Variants in SEC24A observed in about 807,000 individuals in gnomAD.
SEC24A encodes the protein protein transport protein Sec24A.
SEC24A carries 93 observed loss-of-function variants against 129.4 expected under a neutral mutation model. The ratio of observed to expected loss-of-function variants is 0.72; its 90% confidence interval spans 0.61 to 0.85. The LOEUF is 0.85. Ranked by LOEUF, SEC24A falls within the 40% of genes least tolerant of loss-of-function variation. SEC24A has a pLI of 0.00. For synonymous variants in SEC24A, 460 were observed against 467.3 expected (o/e 0.98, Z 0.20); for missense variants, 1,264 against 1,307.4 (o/e 0.97, Z 0.51).
chr5:134,676,002 A>ATACTTT, intron 6 of SEC24A, 21 bp from the exon 7 acceptor site: 1 of 1,541,118 alleles, frequency 6.5e-7, no homozygotes. Flanking sequence ...CAACTGATAC[A>ATACTTT]TACTTTTTAC....
Position 134,693,744 on chromosome 5 carries a change from G to A in SEC24A, c.1797G>A (p.Leu599=). The part of the protein sequence containing the change: ...NESKELVQDL[L]KTLPQMFTKT... ...TTTACAAGCTCGTGCAAGATTTACT[G>A]AAAACTTTGCCACAAATGTTTACCA... The change falls in exon 13 of 23, where the codon CTG becomes CTA. Residue 599 remains leucine (L), a synonymous_variant. Transcript: ENST00000398844. 9.3e-6 allele frequency: 15 copies of A among 1,613,742 alleles called. No individual in the cohort carries two copies. Among genetic ancestry groups the A allele is most frequent in the Non-Finnish European group, 1.3e-5 (15 of 1,179,882 alleles).
chr5:134,671,885 G>A lies in SEC24A; in HGVS notation c.816G>A (p.Leu272=), dbSNP rs374854591. 1 of 1,597,772 alleles carries A rather than the reference G, an allele frequency of 6.3e-7. No individual in the cohort carries two copies. The highest frequency in any genetic ancestry group is 8.5e-7 in the Non-Finnish European group (1 of 1,170,588). The change falls in exon 4 of 23, where the codon TTG becomes TTA. Residue 272 remains leucine, a splice_region_variant and synonymous_variant. Coordinates refer to ENST00000398844, the MANE Select transcript of SEC24A (RefSeq NM_021982.3). ...ACGAGATTGAAGGAGGTGGCTTATT[G>A]GGTGAGATGCTATGAAAGTTTTTTT... ...SYDEIEGGGL[L]ATPQLTNKNP...
In SEC24A at chr5:134,679,744, T is replaced by C. The variant is rs202238564; in HGVS notation, c.1381+16T>C. 5.1e-5 allele frequency: 79 copies of C among 1,556,808 alleles called. No homozygotes were observed. Among genetic ancestry groups the C allele is most frequent in the African/African-American group, 6.8e-5 (5 of 73,640 alleles). The stretch of plus-strand genomic sequence containing the variant: ...GTCAATGATGGTATGGGATGCTTTT[T>C]TGAAACATTTAAACGTTTCTACTTG... On this transcript the variant is annotated intron_variant, in intron 8 of 22. Transcript: ENST00000398844.
At chr5:134,654,668 T>C (rs1300869581) in intron 1 of SEC24A, among the ~76,000 whole-genome samples, 51 of 152,188 alleles carry the variant, frequency 3.4e-4, no homozygotes, top group Non-Finnish European at 2.9e-5. Context: ...TTAGTGCCTT[T>C]ATTGACTGAA....
At chr5:134,675,366 A>C in intron 6 of SEC24A, 149 bp downstream of exon 6, 1 of 620,736 alleles carries the variant, frequency 1.6e-6, no homozygotes, top group South Asian at 3.2e-5. Flanking sequence ...TTGTTTACTT[A>C]ATAGAGATTT....
intron 10 of SEC24A, among the ~76,000 whole-genome samples, chr5:134,687,812 G>C (rs73295494): frequency 7.1e-4 from 108 of 152,226 alleles, no homozygotes; most frequent in African/African-American, 2.4e-3. Flanking sequence ...AAATATTAGA[G>C]TTTCTGTATC....
At chr5:134,675,989 C>T (rs1272006653) in intron 6 of SEC24A, 34 bp from the exon 7 acceptor site, 1 of 1,409,320 alleles carries the variant, frequency 7.1e-7, no homozygotes, top group Non-Finnish European at 9.8e-7. Context: ...ATAATCATAG[C>T]AGCAACTGAT....
chr5:134,654,759 C>T (rs1750183027), intron 1 of SEC24A, among the ~76,000 whole-genome samples: 1 of 152,150 alleles, frequency 6.6e-6, no homozygotes, highest in Non-Finnish European at 1.5e-5. Context: ...CTTTGTCCCC[C>T]AGGCTAGAGT....
chr5:134,664,792 CTTTTTTTTTTTTTTT>C (rs70976552), intron 2 of SEC24A, among the ~76,000 whole-genome samples: 6 of 86,192 alleles, frequency 7.0e-5, no homozygotes, highest in Non-Finnish European at 1.1e-4. Flanking sequence ...TTTTCTTTTT[CTTTTTTTTTTTTTTT>C]TTTTTTTTTG....
chr5:134,693,906 G>A lies in SEC24A; in HGVS notation c.1959G>A (p.Glu653=). ...GAGTGGGAGCCCTGAAACCACGAGA[G>A]GAACCAAACCACAGGTCATCTGCTA... ...TLGVGALKPR[E]EPNHRSSAKD... is the part of the protein sequence containing the mutation. Residue 653 remains glutamate, a synonymous_variant, in exon 13 of 23, where the codon GAG becomes GAA. Coordinates refer to ENST00000398844, the MANE Select transcript of SEC24A (RefSeq NM_021982.3). 1.2e-6 allele frequency: 2 copies of A among 1,614,096 alleles called. No individual in the cohort carries two copies. The highest frequency in any genetic ancestry group is 1.7e-6 in the Non-Finnish European group (2 of 1,180,014).
In SEC24A at chr5:134,679,816, A is replaced by G. The variant is rs1751202866; in HGVS notation, c.1381+88A>G. 19 of 1,131,160 alleles carry G rather than the reference A, an allele frequency of 1.7e-5. 1 individual carries two copies. In the South Asian group the frequency reaches 5.2e-4, roughly 31 times the overall value. The allele number at this position is 1,131,160 out of a possible 1,614,324, so 70.1% of individuals were successfully genotyped here. ...TACAAATGCACAGTTAAAAAAAAAA[A>G]ACCCTTTTATTTACCTCTAGTCAAT... On this transcript the variant is annotated intron_variant, in intron 8 of 22. Transcript: ENST00000398844.
chr5:134,708,092 G>A (rs946726610), intron 17 of SEC24A, among the ~76,000 whole-genome samples: 2 of 152,100 alleles, frequency 1.3e-5, no homozygotes, highest in Admixed American at 6.6e-5. Context: ...CCACACCACC[G>A]CACTCCAGCC....
chr5:134,698,863 C>T (rs1233275659), intron 15 of SEC24A, among the ~76,000 whole-genome samples: 1 of 151,808 alleles, frequency 6.6e-6, no homozygotes, highest in African/African-American at 2.4e-5. Flanking sequence ...AAACTCCTGA[C>T]CTCAGATGAT....
chr5:134,718,043 C>T (rs769798006), intron 19 of SEC24A, 26 bp from the exon 20 acceptor site: 2 of 1,558,174 alleles, frequency 1.3e-6, no homozygotes, highest in African/African-American at 1.4e-5. Flanking sequence ...TATTTAAAAC[C>T]TTTACTCTTT....
chr5:134,720,614 A>G (rs1403649899), intron 20 of SEC24A, among the ~76,000 whole-genome samples: 2 of 152,188 alleles, frequency 1.3e-5, no homozygotes. Flanking sequence ...CTTTTAAAAT[A>G]TACTCAAGCT....
Position 134,698,272 on chromosome 5 carries a change from A to G in SEC24A, c.2266+215A>G, listed in dbSNP as rs566082135. On this transcript the variant is annotated intron_variant, in intron 15 of 22. Coordinates refer to ENST00000398844, the MANE Select transcript of SEC24A (RefSeq NM_021982.3). ...TGACTTATATATTTTTAAATAGAGAATTTTATGGTGTGTGAATTATCTCAG... is the reference window on the plus strand; with the variant it reads ...TGACTTATATATTTTTAAATAGAGAGTTTTATGGTGTGTGAATTATCTCAG... Among the ~76,000 whole-genome samples, 13 of 152,206 alleles carry G rather than the reference A, an allele frequency of 8.5e-5. No individual in the cohort carries two copies. In the South Asian group the frequency reaches 2.7e-3, roughly 32 times the overall value.
At chr5:134,714,970 G>A in intron 18 of SEC24A, 54 bp from the exon 19 acceptor site, 1 of 1,527,560 alleles carries the variant, frequency 6.5e-7, no homozygotes, top group Non-Finnish European at 8.9e-7. Context: ...TAAAAGTTCT[G>A]GATGTATTTT....
At chr5:134,649,290 G>A (rs1749968211) in intron 1 of SEC24A, 117 bp downstream of exon 1, 2 of 691,330 alleles carry the variant, frequency 2.9e-6, no homozygotes, top group African/African-American at 1.9e-5. Flanking sequence ...GTTCTGGCGC[G>A]GATGGTGGTG....
chr5:134,666,923 G>A lies in SEC24A; in HGVS notation c.666G>A (p.Arg222=). 1 of 1,613,820 alleles carries A rather than the reference G, an allele frequency of 6.2e-7. No homozygotes were observed. Residue 222 remains arginine (R), a synonymous_variant, in exon 3 of 23, where the codon AGG becomes AGA. Transcript: ENST00000398844. ...CAGCTGGAGGCCCACCCCCAGTGAG[G>A]GCCCTCACGCCCCTGACATCATCAT... ...PPPAGGPPPV[R]ALTPLTSSYR...
Sources: allele counts gnomAD v4.1 joint callset (sites outside exome capture counted in the v4.1 genomes callset), GRCh38; gene constraint gnomAD v4.1.1; transcripts MANE v1.5; gene names NCBI Gene and HGNC (gene_info 2026-07-23, HGNC 2026-07-21).